RUNX3: variants seen among roughly 807,000 people sequenced by gnomAD.
The protein encoded by RUNX3 is runt-related transcription factor 3.
In RUNX3, 10 loss-of-function variants were observed where a neutral mutation model predicts 27.7. That is an observed-to-expected ratio of 0.36 (90% confidence interval 0.22 to 0.61). RUNX3 has a LOEUF of 0.61. RUNX3 is among the 20% of genes least tolerant of loss of function. The probability of loss-of-function intolerance (pLI) is 0.72; values close to 1 mark genes in which losing one functional copy is unlikely to be tolerated. For synonymous variants in RUNX3, 270 were observed against 269.2 expected, an observed-to-expected ratio of 1.00 and a Z score of -0.03; for missense variants, 469 against 629.5, an observed-to-expected ratio of 0.75 and a Z score of 2.73.
chr1:24,922,916 A>G (rs1009736956), intron 2 of RUNX3, among the ~76,000 whole-genome samples: 2 of 151,024 alleles, frequency 1.3e-5, no homozygotes, highest in South Asian at 4.2e-4. Flanking sequence ...TAATCCATCT[A>G]CTCATTTTGT....
chr1:24,925,914 C>T (rs1282548914), intron 2 of RUNX3, among the ~76,000 whole-genome samples: 2 of 152,124 alleles, frequency 1.3e-5, no homozygotes, highest in Non-Finnish European at 2.9e-5. Context: ...GAGGGGGGCT[C>T]AAGGTCTGTG....
At chr1:24,906,557 T>C (rs1417372886) in intron 4 of RUNX3, among the ~76,000 whole-genome samples, 2 of 152,218 alleles carry the variant, frequency 1.3e-5, no homozygotes, top group Non-Finnish European at 1.5e-5. Flanking sequence ...GAGCGGCTAC[T>C]ATGCGCCAGG....
At chr1:24,931,180 C>T (rs1432303028), upstream of RUNX3, among the ~76,000 whole-genome samples, 1 of 152,250 alleles carries the variant, frequency 6.6e-6, no homozygotes, top group Non-Finnish European at 1.5e-5. Context: ...AGCTAAGGGC[C>T]CTCGCTTTCA....
At chr1:24,964,937 C>T (rs1642220058) in exon 1 of RUNX3, 2 of 319,442 alleles carry the variant, frequency 6.3e-6, no homozygotes, top group Non-Finnish European at 1.2e-5. Context: ...GGGCTTTCGG[C>T]AGCCAGGGTG....
intron 3 of RUNX3, among the ~76,000 whole-genome samples, chr1:24,909,954 C>T (rs1640765329): frequency 6.6e-6 from 1 of 152,170 alleles, no homozygotes; most frequent in Non-Finnish European, 1.5e-5. Flanking sequence ...GGCCACACGC[C>T]GAACAAGGGG....
At chr1:24,964,609 A>G (rs761630833) in exon 2 of RUNX3, 2 of 1,583,000 alleles carry the variant, frequency 1.3e-6, no homozygotes, top group Middle Eastern at 1.7e-4. Flanking sequence ...TCAGCCCTTC[A>G]GGGGGTTGGG....
At position 24,927,692 on chromosome 1, in the gene RUNX3, C is replaced by A; in HGVS notation, c.321G>T (p.Val107=). 1 of 1,614,044 alleles carries A rather than the reference C, an allele frequency of 6.2e-7. No individual in the cohort carries two copies. Among genetic ancestry groups the A allele is most frequent in the South Asian group, 1.1e-5 (1 of 91,076 alleles). Residue 107 remains valine, a synonymous_variant, in exon 2 of 5, where the codon GTG becomes GTT. Transcript: ENST00000308873. This position sits in a 1 kb window ranked among gnomAD's most constrained non-coding sequence, Gnocchi z 5.0. ...TCTCGTCATTGCCTGCCATCACAGT[C>A]ACCACCGTACCATCCGGCACGTCCC... ...ALGDVPDGTV[V]TVMAGNDENY...
chr1:24,911,117 G>A (rs1436388159), intron 3 of RUNX3, among the ~76,000 whole-genome samples: 1 of 152,236 alleles, frequency 6.6e-6, no homozygotes, highest in African/African-American at 2.4e-5. Context: ...GGGAGATGTG[G>A]ATGAGCTGGG....
intron 2 of RUNX3, among the ~76,000 whole-genome samples, chr1:24,938,699 A>G (rs1272462233): frequency 6.6e-6 from 1 of 152,026 alleles, no homozygotes; most frequent in African/African-American, 2.4e-5. Context: ...GCCTTTCGGG[A>G]AGTGATTAAG....
Position 24,943,822 on chromosome 1 carries a change from A to C in RUNX3, c.59-13970T>G, listed in dbSNP as rs960853510. 1.3e-5 allele frequency among the ~76,000 whole-genome samples: 2 copies of C among 152,198 alleles called. No homozygotes were observed. Among genetic ancestry groups the C allele is most frequent in the African/African-American group, 2.4e-5 (1 of 41,450 alleles). ...CCAGATGTTACCAACCTTAACTGACAGTTTTCTGCTAGCACACAGGAAGTT... is the reference window on the plus strand; with the variant it reads ...CCAGATGTTACCAACCTTAACTGACCGTTTTCTGCTAGCACACAGGAAGTT... On this transcript the variant is annotated intron_variant, in intron 2 of 6. Coordinates refer to the RUNX3 transcript ENST00000338888. This position sits in a 1 kb window ranked among gnomAD's most constrained non-coding sequence, Gnocchi z 4.6.
intron 2 of RUNX3, among the ~76,000 whole-genome samples, chr1:24,954,136 A>C (rs1044786344): frequency 6.6e-6 from 1 of 152,238 alleles, no homozygotes; most frequent in Non-Finnish European, 1.5e-5. Context: ...ACATGGAGGA[A>C]AGAGACCCAC....
rs960963220 is a variant in RUNX3, at chr1:24,900,606, T to C, written c.*1516A>G. The C allele has an allele frequency of 6.6e-6, 1 of 152,408 alleles. No homozygotes were observed. The highest frequency in any genetic ancestry group is 1.5e-5 in the Non-Finnish European group (1 of 68,060). 9.4% of individuals were successfully genotyped at this position (152,408 alleles called of 1,614,324 possible). A position where few individuals can be genotyped will look rare whatever the true frequency, so the allele number is the denominator to read the frequency against. ...ACCTCGGAACGCAGTGCAGCTGAGC[T>C]GCGGCTGGAGAGCCCTTTACAGTGC... On this transcript the variant is annotated 3_prime_UTR_variant, in exon 5 of 5. Coordinates refer to ENST00000308873, the MANE Select transcript of RUNX3 (RefSeq NM_004350.3).
chr1:24,959,622 C>G (rs1057132548), intron 2 of RUNX3, among the ~76,000 whole-genome samples: 1 of 152,112 alleles, frequency 6.6e-6, no homozygotes. Context: ...ACAGAGAGTC[C>G]CCTGTTATTG....
chr1:24,935,872 G>A (rs948638469), intron 2 of RUNX3, among the ~76,000 whole-genome samples: 2 of 152,210 alleles, frequency 1.3e-5, no homozygotes, highest in African/African-American at 2.4e-5. Flanking sequence ...CCCAAGCTCC[G>A]AAAGTAAAGA....
In RUNX3 at chr1:24,900,581, A is replaced by C. The variant is rs1204130309; in HGVS notation, c.*1541T>G. 1 of 152,312 alleles carries C rather than the reference A, an allele frequency of 6.6e-6. No homozygotes were observed. The highest frequency in any genetic ancestry group is 2.4e-5 in the African/African-American group (1 of 41,408). The allele number at this position is 152,312 out of a possible 1,614,324, so 9.4% of individuals were successfully genotyped here. A position where few individuals can be genotyped will look rare whatever the true frequency, so the allele number is the denominator to read the frequency against. On this transcript the variant is annotated 3_prime_UTR_variant, in exon 5 of 5. Coordinates refer to ENST00000308873, the MANE Select transcript of RUNX3 (RefSeq NM_004350.3). ...TTGCAAAATTCAGGGGCAAGACTTC[A>C]CCTCGGAACGCAGTGCAGCTGAGCT...
intron 2 of RUNX3, among the ~76,000 whole-genome samples, chr1:24,948,913 A>C (rs530729892): frequency 5.9e-5 from 9 of 152,078 alleles, no homozygotes; most frequent in African/African-American, 2.2e-4. Flanking sequence ...ACAATACTGT[A>C]AATTAATCAC....
upstream of RUNX3, among the ~76,000 whole-genome samples, chr1:24,932,935 A>G (rs1641265136): frequency 6.6e-6 from 1 of 152,032 alleles, no homozygotes; most frequent in Non-Finnish European, 1.5e-5. Context: ...ACACTCCCCT[A>G]CCCTACCTTG....
chr1:24,955,963 TG>T (rs1269852124), intron 2 of RUNX3, among the ~76,000 whole-genome samples: 7 of 152,252 alleles, frequency 4.6e-5, no homozygotes, highest in Non-Finnish European at 1.0e-4. Context: ...CTAAGTCCGC[TG>T]GGGACGTAGG....
chr1:24,912,150 T>C (rs1287213282), intron 3 of RUNX3, among the ~76,000 whole-genome samples: 1 of 152,214 alleles, frequency 6.6e-6, no homozygotes, highest in African/African-American at 2.4e-5. Flanking sequence ...AAGAGCTGCG[T>C]GGGGAGCTCT....
Sources: gnomAD v4.1 joint callset for allele counts (sites outside exome capture counted in the v4.1 genomes callset) on GRCh38, gnomAD v4.1.1 for gene constraint, Gnocchi (gnomAD v3.1) non-coding constraint, MANE v1.5 for transcripts, NCBI Gene and HGNC (gene_info 2026-07-23, HGNC 2026-07-21) for gene names.